Variants in PDSS2 observed in about 807,000 individuals in gnomAD.
PDSS2 encodes all trans-polyprenyl-diphosphate synthase PDSS2.
In PDSS2, 31 loss-of-function variants were observed where a neutral mutation model predicts 44.5. The observed-to-expected ratio is 0.70, with a 90% CI of 0.52 to 0.94. The LOEUF (loss-of-function observed/expected upper bound fraction) is 0.94. PDSS2 is among the 40% of genes least tolerant of loss of function. The probability of loss-of-function intolerance (pLI) is 0.00; values close to 1 mark genes in which losing one functional copy is unlikely to be tolerated. For missense variants in PDSS2, 452 were observed against 482.2 expected (o/e 0.94, Z 0.59); for synonymous variants, 157 against 180.3 (o/e 0.87, Z 1.03).
At chr6:107,225,143 A>ATATATATATATATATATT (rs1562389063) in intron 4 of PDSS2, among the ~76,000 whole-genome samples, 7 of 41,584 alleles carry the variant, frequency 1.7e-4, no homozygotes, top group African/African-American at 3.7e-4. Flanking sequence ...ATTTTTATAT[A>ATATATATATATATATATT]TATATATATA....
intron 7 of PDSS2, among the ~76,000 whole-genome samples, chr6:107,189,744 T>C (rs1327356103): frequency 6.6e-6 from 1 of 152,194 alleles, no homozygotes; most frequent in Non-Finnish European, 1.5e-5. Flanking sequence ...AGGGGTGCTC[T>C]TATTTGTGCA....
At chr6:107,330,771 A>T (rs1777687727) in intron 2 of PDSS2, among the ~76,000 whole-genome samples, 1 of 152,232 alleles carries the variant, frequency 6.6e-6, no homozygotes, top group Non-Finnish European at 1.5e-5. Flanking sequence ...GGTTAGTGGA[A>T]TAAACCTAAA....
chr6:107,316,652 C>A (rs889659849), intron 2 of PDSS2, among the ~76,000 whole-genome samples: 59 of 152,156 alleles, frequency 3.9e-4, no homozygotes, highest in Middle Eastern at 6.8e-3. Flanking sequence ...CCTTTTTAAA[C>A]AGGCCCTATA....
At chr6:107,174,714 C>T (rs920843109) in intron 7 of PDSS2, among the ~76,000 whole-genome samples, 20 of 152,036 alleles carry the variant, frequency 1.3e-4, no homozygotes, top group African/African-American at 4.8e-4. Flanking sequence ...AAAAATTCAC[C>T]GATCTTAATT....
In PDSS2 at chr6:107,193,214, A is replaced by G. The variant is rs148802915; in HGVS notation, c.1041+608T>C. 7.4e-4 allele frequency among the ~76,000 whole-genome samples: 113 copies of G among 152,276 alleles called. 2 individuals are homozygous for G. The highest frequency in any genetic ancestry group is 2.6e-3 in the African/African-American group (106 of 41,548). On this transcript the variant is annotated intron_variant, in intron 7 of 7. Coordinates refer to ENST00000369037, the MANE Select transcript of PDSS2 (RefSeq NM_020381.4). ...CTGTGTGTCAGAATTATCTGTGGAG[A>G]CATTTTCAAACCACTCCAGCCTGCC...
intron 6 of PDSS2, among the ~76,000 whole-genome samples, chr6:107,201,736 T>C (rs1772785924): frequency 6.6e-6 from 1 of 152,226 alleles, no homozygotes; most frequent in Admixed American, 6.5e-5. Flanking sequence ...TCTCTACTTA[T>C]CAGGTTATTC....
intron 2 of PDSS2, 96 bp downstream of exon 2, chr6:107,334,102 C>A: frequency 9.1e-7 from 1 of 1,093,386 alleles, no homozygotes; most frequent in South Asian, 1.3e-5. Flanking sequence ...ATCTTTGAAT[C>A]AGAGAATGAC....
chr6:107,355,396 T>G (rs1175004366), intron 1 of PDSS2, among the ~76,000 whole-genome samples: 1 of 152,220 alleles, frequency 6.6e-6, no homozygotes, highest in Non-Finnish European at 1.5e-5. Context: ...TGAAACATTT[T>G]AAAACTGGCA....
chr6:107,265,235 C>A (rs1357223728), intron 3 of PDSS2, among the ~76,000 whole-genome samples: 1 of 152,166 alleles, frequency 6.6e-6, no homozygotes. Context: ...GCTAATTTTA[C>A]CCTTGGCAAT....
At chr6:107,431,179 G>C (rs1438344463) in intron 1 of PDSS2, among the ~76,000 whole-genome samples, 3 of 152,210 alleles carry the variant, frequency 2.0e-5, no homozygotes, top group Non-Finnish European at 2.9e-5. Context: ...GCTAAAGCCA[G>C]ACCTCTTTGG....
At chr6:107,328,651 C>A (rs1265948446) in intron 2 of PDSS2, among the ~76,000 whole-genome samples, 1 of 152,134 alleles carries the variant, frequency 6.6e-6, no homozygotes, top group African/African-American at 2.4e-5. Flanking sequence ...GAAACATTTA[C>A]CAAACTTTTG....
Position 107,259,845 on chromosome 6 carries a change from A to C in PDSS2, c.630+14184T>G, listed in dbSNP as rs569100015. On this transcript the variant is annotated intron_variant, in intron 3 of 7. Coordinates refer to ENST00000369037, the MANE Select transcript of PDSS2 (RefSeq NM_020381.4). ...CTATGTAGCTCAACACATTATGAAA[A>C]TATAAGTGATCCCCAAGAGTGTAGC... Among the ~76,000 whole-genome samples the C allele has an allele frequency of 2.0e-5, 3 of 152,294 alleles. No individual in the cohort carries two copies. The South Asian group carries it at 6.2e-4, about 32-fold the overall frequency.
intron 4 of PDSS2, among the ~76,000 whole-genome samples, chr6:107,231,052 TA>T (rs1000367050): frequency 1.3e-5 from 2 of 151,938 alleles, no homozygotes; most frequent in African/African-American, 4.8e-5. Flanking sequence ...CTATTTAAAT[TA>T]AAAAAAATTT....
chr6:107,164,467 T>G (rs1554247213), intron 7 of PDSS2, among the ~76,000 whole-genome samples: 1 of 152,180 alleles, frequency 6.6e-6, no homozygotes, highest in African/African-American at 2.4e-5. Context: ...GTTTCCGGTT[T>G]CATCCATGTC....
At chr6:107,287,678 C>T (rs1461174032) in intron 2 of PDSS2, among the ~76,000 whole-genome samples, 2 of 152,098 alleles carry the variant, frequency 1.3e-5, no homozygotes, top group Admixed American at 6.5e-5. Context: ...TACACCACCA[C>T]ACCTGGCTAA....
chr6:107,154,704 G>A lies in PDSS2; in HGVS notation c.1115C>T (p.Ala372Val). Residue 372 changes from alanine (A) to valine (V), a missense_variant, in exon 8 of 8, where the codon GCA (alanine) becomes GTA (valine). Ala to Val is a moderately conservative substitution (Grantham distance 64). Transcript: ENST00000369037. ...AGGAAAGCTCTCCAGGGCCTCCAGTGCCTTGTTTCCATGGTAACGACACAG... is the reference window on the plus strand; with the variant it reads ...AGGAAAGCTCTCCAGGGCCTCCAGTACCTTGTTTCCATGGTAACGACACAG... ...IDLCRYHGNK[A>V]LEALESFPPS... The A allele has an allele frequency of 6.2e-7, 1 of 1,614,018 alleles. No individual in the cohort carries two copies. Among genetic ancestry groups the A allele is most frequent in the African/African-American group, 1.3e-5 (1 of 75,032 alleles).
chr6:107,227,260 GGTGT>G (rs1773860033), intron 4 of PDSS2, among the ~76,000 whole-genome samples: 1 of 142,000 alleles, frequency 7.0e-6, no homozygotes, highest in African/African-American at 2.7e-5. Context: ...TGGGATTATA[GGTGT>G]AAGCCACTGT....
At chr6:107,287,688 AT>A (rs1249763034) in intron 2 of PDSS2, among the ~76,000 whole-genome samples, 1 of 151,906 alleles carries the variant, frequency 6.6e-6, no homozygotes, top group African/African-American at 2.4e-5. Flanking sequence ...CACCTGGCTA[AT>A]TTTTGTATTT....
At chr6:107,436,950 A>G (rs1781367295) in intron 1 of PDSS2, among the ~76,000 whole-genome samples, 1 of 152,150 alleles carries the variant, frequency 6.6e-6, no homozygotes, top group African/African-American at 2.4e-5. Flanking sequence ...CTGATACTAA[A>G]TTGCTATTCC....
Sources: allele counts gnomAD v4.1 joint callset (sites outside exome capture counted in the v4.1 genomes callset), GRCh38; gene constraint gnomAD v4.1.1; transcripts MANE v1.5; gene names NCBI Gene and HGNC (gene_info 2026-07-23, HGNC 2026-07-21).